Variants in STON2 observed in about 807,000 individuals in gnomAD.
STON2 encodes the protein stonin-2.
In STON2, 29 loss-of-function variants were observed where a neutral mutation model predicts 65.7. The ratio of observed to expected loss-of-function variants is 0.44; its 90% CI spans 0.33 to 0.60. The LOEUF (loss-of-function observed/expected upper bound fraction) is 0.60. Among genes scored for constraint, STON2 ranks in the 20% least tolerant of loss-of-function variants. The pLI is 0.03. For synonymous variants in STON2, 404 were observed against 414.2 expected (o/e 0.98, Z 0.30); for missense variants, 1,054 against 1,118.1 (o/e 0.94, Z 0.82).
At chr14:81,363,708 G>C (rs547701228) in intron 4 of STON2, among the ~76,000 whole-genome samples, 1 of 152,222 alleles carries the variant, frequency 6.6e-6, no homozygotes, top group South Asian at 2.1e-4. Flanking sequence ...TCTGACGTTT[G>C]TAACTAGGAG....
At chr14:81,403,111 C>A (rs1900685629), upstream of STON2, among the ~76,000 whole-genome samples, 1 of 152,188 alleles carries the variant, frequency 6.6e-6, no homozygotes, top group South Asian at 2.1e-4. Context: ...ATCCTATATT[C>A]CTGATGAACT....
intron 3 of STON2, among the ~76,000 whole-genome samples, chr14:81,390,477 A>C (rs1900027425): frequency 6.6e-6 from 1 of 152,098 alleles, no homozygotes; most frequent in Non-Finnish European, 1.5e-5. Context: ...ACTGACATGC[A>C]CACATCTCCT....
chr14:81,264,172 T>C lies in STON2; in HGVS notation c.*4242A>G. 1 of 985,416 alleles carries C rather than the reference T, an allele frequency of 1.0e-6. No homozygotes were observed. The highest frequency in any genetic ancestry group is 1.2e-6 in the Non-Finnish European group (1 of 829,922). 61.0% of individuals were successfully genotyped at this position (985,416 alleles called of 1,614,324 possible). A position where few individuals can be genotyped will look rare whatever the true frequency, so the allele number is the denominator to read the frequency against. On this transcript the variant is annotated 3_prime_UTR_variant, in exon 8 of 8. Coordinates refer to ENST00000614646, the MANE Select transcript of STON2 (RefSeq NM_001394390.1). ...TGGACAGCATCTATGCTACTATGCT[T>C]TGGGGCACAAAAATGTTTTTCAATG...
intron 4 of STON2, among the ~76,000 whole-genome samples, chr14:81,368,367 T>G (rs1046047393): frequency 6.6e-6 from 1 of 152,226 alleles, no homozygotes; most frequent in Non-Finnish European, 1.5e-5. Flanking sequence ...ACACCTCATA[T>G]GCTGGCACAC....
At chr14:81,312,710 G>A (rs1442607593) in intron 5 of STON2, among the ~76,000 whole-genome samples, 2 of 152,186 alleles carry the variant, frequency 1.3e-5, no homozygotes, top group East Asian at 1.9e-4. Flanking sequence ...TGATGTAATG[G>A]CTAGCTCTGG....
At chr14:81,381,130 T>C (rs1566935644) in intron 3 of STON2, among the ~76,000 whole-genome samples, 2 of 152,154 alleles carry the variant, frequency 1.3e-5, no homozygotes, top group South Asian at 4.1e-4. Flanking sequence ...TTAGAAAAAC[T>C]GGATATCTAC....
chr14:81,278,792 G>A (rs936019653), intron 5 of STON2, 53 bp from the exon 6 acceptor site: 1 of 1,390,090 alleles, frequency 7.2e-7, no homozygotes, highest in Non-Finnish European at 9.6e-7. Flanking sequence ...CTAGAGGTAA[G>A]GAAAACTGAA....
Position 81,266,117 on chromosome 14 carries a change from T to A in STON2, c.*2297A>T, listed in dbSNP as rs1894349519. 27 of 983,496 alleles carry A rather than the reference T, an allele frequency of 2.7e-5. No individual in the cohort carries two copies. Among genetic ancestry groups the A allele is most frequent in the Non-Finnish European group, 3.0e-5 (25 of 828,242 alleles). 60.9% of individuals were successfully genotyped at this position (983,496 alleles called of 1,614,324 possible). A position where few individuals can be genotyped will look rare whatever the true frequency, so the allele number is the denominator to read the frequency against. ...GACAAATGAAGTTAGAGAGTCTTATTACTATTGAGACTAAACCTATATTTA... is the reference window on the plus strand; with the variant it reads ...GACAAATGAAGTTAGAGAGTCTTATAACTATTGAGACTAAACCTATATTTA... On this transcript the variant is annotated 3_prime_UTR_variant, in exon 8 of 8. Coordinates refer to ENST00000614646, the MANE Select transcript of STON2 (RefSeq NM_001394390.1).
intron 5 of STON2, among the ~76,000 whole-genome samples, chr14:81,320,558 C>T (rs577673496): frequency 8.7e-5 from 13 of 150,110 alleles, no homozygotes; most frequent in African/African-American, 2.2e-4. Flanking sequence ...AAAGTCCACA[C>T]GTTAAAGCTA....
intron 5 of STON2, among the ~76,000 whole-genome samples, chr14:81,286,058 G>C (rs1358541413): frequency 6.6e-6 from 1 of 152,026 alleles, no homozygotes; most frequent in Admixed American, 6.5e-5. Context: ...TGAGGGAGGA[G>C]AATCACTTGA....
At chr14:81,381,815 C>A (rs1040885839) in intron 3 of STON2, among the ~76,000 whole-genome samples, 2 of 152,112 alleles carry the variant, frequency 1.3e-5, no homozygotes, top group African/African-American at 4.8e-5. Context: ...CAATTCCCAT[C>A]CTACTTTTTT....
intron 2 of STON2, among the ~76,000 whole-genome samples, chr14:81,411,104 T>A (rs1295762816): frequency 1.3e-5 from 2 of 152,184 alleles, no homozygotes; most frequent in African/African-American, 4.8e-5. Flanking sequence ...AAAGTGATCA[T>A]TTTTAGTGGA....
At chr14:81,315,464 T>C (rs1896581773) in intron 5 of STON2, among the ~76,000 whole-genome samples, 1 of 152,114 alleles carries the variant, frequency 6.6e-6, no homozygotes, top group Non-Finnish European at 1.5e-5. Context: ...AAAACAGTGG[T>C]CCCCCCAGAC....
At chr14:81,404,567 A>G (rs1036998886), upstream of STON2, among the ~76,000 whole-genome samples, 1 of 152,198 alleles carries the variant, frequency 6.6e-6, no homozygotes, top group Non-Finnish European at 1.5e-5. Context: ...ACAGGGCACT[A>G]TCACAGCTCA....
At chr14:81,308,738 T>G (rs1896278862) in intron 5 of STON2, among the ~76,000 whole-genome samples, 1 of 145,464 alleles carries the variant, frequency 6.9e-6, no homozygotes, top group East Asian at 2.1e-4. Context: ...AAACAGAAAT[T>G]CTCAAGAGAC....
intron 4 of STON2, among the ~76,000 whole-genome samples, chr14:81,350,115 G>T (rs1375871219): frequency 6.6e-6 from 1 of 152,098 alleles, no homozygotes; most frequent in South Asian, 2.1e-4. Context: ...CAAACATACA[G>T]TTAGATAGAA....
At chr14:81,393,492 C>T (rs919686040) in intron 3 of STON2, among the ~76,000 whole-genome samples, 5 of 152,238 alleles carry the variant, frequency 3.3e-5, no homozygotes, top group South Asian at 2.1e-4. Flanking sequence ...ACCTTGGGGC[C>T]GGTCAGCCTG....
chr14:81,354,596 C>A (rs1375788564), intron 4 of STON2, among the ~76,000 whole-genome samples: 1 of 151,802 alleles, frequency 6.6e-6, no homozygotes, highest in African/African-American at 2.4e-5. Context: ...CAGTAAATGA[C>A]AAGAATATAT....
intron 4 of STON2, among the ~76,000 whole-genome samples, chr14:81,367,883 C>G (rs1157095668): frequency 6.6e-6 from 1 of 152,182 alleles, no homozygotes; most frequent in Non-Finnish European, 1.5e-5. Flanking sequence ...CCTGGGCCAT[C>G]CTGGGTCCTA....
Sources: gnomAD v4.1 joint callset for allele counts (sites outside exome capture counted in the v4.1 genomes callset) on GRCh38, gnomAD v4.1.1 for gene constraint, MANE v1.5 for transcripts, NCBI Gene and HGNC (gene_info 2026-07-23, HGNC 2026-07-21) for gene names.